Variants in URB2 observed in about 807,000 individuals in gnomAD.
URB2 encodes URB2 ribosome biogenesis homolog, also known as unhealthy ribosome biogenesis protein 2 homolog.
Under a neutral mutation model 120.9 loss-of-function variants are expected in URB2, and 86 were observed. That is an observed-to-expected ratio of 0.71 (90% CI 0.60 to 0.85). The LOEUF (loss-of-function observed/expected upper bound fraction) is 0.85. URB2 is among the 40% of genes least tolerant of loss of function. The pLI, the probability that URB2 is intolerant of heterozygous loss-of-function variation, is 0.00. For missense variants in URB2, 1,765 were observed against 1,836.5 expected, an observed-to-expected ratio of 0.96 and a Z score of 0.71; for synonymous variants, 755 against 758.4, an observed-to-expected ratio of 1.00 and a Z score of 0.07.
chr1:229,637,493 T>G lies in URB2; in HGVS notation c.2880T>G (p.Ser960=), dbSNP rs369790014. Residue 960 remains serine, a synonymous_variant, in exon 4 of 10, where the codon TCT becomes TCG. Transcript: ENST00000258243. ...GYLQKGKSAR[S]VFKIMYGSDI... ...TGCAAAAGGGGAAAAGTGCTCGCTC[T>G]GTGTTCAAGATCATGTATGGTAGTG... 1.2e-6 allele frequency: 2 copies of G among 1,614,122 alleles called. No individual in the cohort carries two copies. Among genetic ancestry groups the G allele is most frequent in the Non-Finnish European group, 1.7e-6 (2 of 1,180,048 alleles).
intron 4 of URB2, 139 bp downstream of exon 4, chr1:229,638,386 C>G (rs1295828130): frequency 6.1e-6 from 6 of 979,180 alleles, no homozygotes; most frequent in Non-Finnish European, 8.6e-6. Flanking sequence ...TGGCTTACAC[C>G]TGTAATCCCA....
Position 229,632,360 on chromosome 1 carries a change from A to G in URB2, c.218A>G (p.Tyr73Cys), listed in dbSNP as rs748329820. The change falls in exon 3 of 10, where the codon TAT becomes TGT. Residue 73 changes from tyrosine (Y) to cysteine (C), a missense_variant. Physicochemically the swap from Tyr to Cys is radical, Grantham distance 194. Transcript: ENST00000258243. The part of the protein sequence containing the change: ...KEDIVERLWI[Y>C]IDNILHSRKL... ...GATATTGTTGAAAGGCTTTGGATCT[A>G]TATAGATAACATTTTACATAGCAGA... 1 of 1,590,476 alleles carries G rather than the reference A, an allele frequency of 6.3e-7. No homozygotes were observed. The highest frequency in any genetic ancestry group is 1.4e-5 in the African/African-American group (1 of 73,604).
intron 4 of URB2, among the ~76,000 whole-genome samples, chr1:229,640,669 G>A (rs1425611141): frequency 6.6e-6 from 1 of 152,172 alleles, no homozygotes; most frequent in African/African-American, 2.4e-5. Flanking sequence ...AAAGCCATCT[G>A]GTCTGCCTGT....
At position 229,654,202 on chromosome 1, in the gene URB2, G is replaced by A. The variant is rs749804021; in HGVS notation, c.4238-47G>A. The A allele has an allele frequency of 4.4e-6, 7 of 1,602,906 alleles. No individual in the cohort carries two copies. In the South Asian group the frequency reaches 5.5e-5, roughly 13 times the overall value. ...AAGTCTAACATAGAAGAGTTAAAAT[G>A]TGCTGTTTTTGAACTAATTGGTTGG... On this transcript the variant is annotated intron_variant, in intron 8 of 9. Coordinates refer to ENST00000258243, the MANE Select transcript of URB2 (RefSeq NM_014777.4).
rs762997234 is a variant in URB2 at position 229,635,469 on chromosome 1, G to T, written c.856G>T (p.Val286Phe). ...CATGGACACCGTGCTTAACAGGCTG[G>T]TTGATGCTGGCTACTGTGCAGCATC... is the stretch of plus-strand genomic sequence containing the variant. ...APMDTVLNRL[V>F]DAGYCAASLH... Residue 286 changes from valine (V) to phenylalanine (F), a missense_variant, in exon 4 of 10, where the codon GTT becomes TTT. Transcript: ENST00000258243. 2 of 1,612,844 alleles carry T rather than the reference G, an allele frequency of 1.2e-6. No homozygotes were observed. The highest frequency in any genetic ancestry group is 1.3e-5 in the African/African-American group (1 of 74,900).
rs754675516 is a variant in URB2 at position 229,636,350 on chromosome 1, C to A, written c.1737C>A (p.Leu579=). The A allele has an allele frequency of 6.2e-7, 1 of 1,614,040 alleles. No homozygotes were observed. Among genetic ancestry groups the A allele is most frequent in the African/African-American group, 1.3e-5 (1 of 74,944 alleles). ...QCMMERMMRE[L]VQPLLALLPD... is the part of the protein sequence containing the mutation. ...TGATGGAGAGGATGATGAGGGAGCTCGTGCAGCCCCTGCTGGCCCTTCTCC... is the reference window on the plus strand; with the variant it reads ...TGATGGAGAGGATGATGAGGGAGCTAGTGCAGCCCCTGCTGGCCCTTCTCC... The change falls in exon 4 of 10, where the codon CTC becomes CTA. Residue 579 remains leucine (L), a synonymous_variant. Coordinates refer to ENST00000258243, the MANE Select transcript of URB2 (RefSeq NM_014777.4).
intron 1 of URB2, among the ~76,000 whole-genome samples, chr1:229,626,630 A>G (rs994548307): frequency 6.6e-6 from 1 of 152,224 alleles, no homozygotes; most frequent in African/African-American, 2.4e-5. Context: ...GAGTGCTGGC[A>G]GGGCTGTGCT....
chr1:229,635,500 A>G lies in URB2; in HGVS notation c.887A>G (p.His296Arg). 6.2e-7 allele frequency: 1 copy of G among 1,613,924 alleles called. No homozygotes were observed. The highest frequency in any genetic ancestry group is 8.5e-7 in the Non-Finnish European group (1 of 1,179,922). The change falls in exon 4 of 10, where the codon CAT becomes CGT. Residue 296 changes from histidine (H) to arginine (R), a missense_variant. His to Arg is a conservative substitution (Grantham distance 29). Coordinates refer to ENST00000258243, the MANE Select transcript of URB2 (RefSeq NM_014777.4). ...GCTGGCTACTGTGCAGCATCCCTTCATACCTCTGTTGTGGCCAACTCAGTG... is the reference window on the plus strand; with the variant it reads ...GCTGGCTACTGTGCAGCATCCCTTCGTACCTCTGTTGTGGCCAACTCAGTG... ...VDAGYCAASL[H>R]TSVVANSVAL... is the part of the protein sequence containing the mutation.
Position 229,635,135 on chromosome 1 carries a change from C to T in URB2, c.522C>T (p.His174=), listed in dbSNP as rs1665762445. 6.2e-7 allele frequency: 1 copy of T among 1,614,066 alleles called. No homozygotes were observed. The highest frequency in any genetic ancestry group is 8.5e-7 in the Non-Finnish European group (1 of 1,179,950). ...TAGCCCAGTTGTTTGAGGTCATTCA[C>T]CTGGCCCTTGGCCATTATCTCTTGA... ...AVVAQLFEVI[H]LALGHYLLIL... The change falls in exon 4 of 10, where the codon CAC becomes CAT. Residue 174 remains histidine, a synonymous_variant. Transcript: ENST00000258243.
rs78933098 is a variant in URB2, at chr1:229,657,437, G to A, written c.4378-1663G>A. Reference sequence around the variant, plus strand: ...AGACTGCCTAGGTTCAAGTCTTAGCGCTGCCAGTTATTAGCTGTGTGACTT... The same window carrying A: ...AGACTGCCTAGGTTCAAGTCTTAGCACTGCCAGTTATTAGCTGTGTGACTT... On this transcript the variant is annotated intron_variant, in intron 9 of 9. Transcript: ENST00000258243. Among the ~76,000 whole-genome samples, 422 of 152,268 alleles carry A rather than the reference G, an allele frequency of 2.8e-3. 2 individuals are homozygous for A. The highest frequency in any genetic ancestry group is 4.6e-3 in the Non-Finnish European group (312 of 68,018).
intron 2 of URB2, among the ~76,000 whole-genome samples, chr1:229,630,969 C>T (rs946922005): frequency 5.3e-5 from 6 of 113,044 alleles, no homozygotes; most frequent in East Asian, 2.5e-4. Context: ...GTGACAAGAG[C>T]GAAACTCCGT....
At chr1:229,653,321 A>G (rs1220116571) in intron 8 of URB2, among the ~76,000 whole-genome samples, 2 of 152,242 alleles carry the variant, frequency 1.3e-5, no homozygotes, top group Admixed American at 6.5e-5. Context: ...ATGCATAACA[A>G]ATTGCTTCTG....
In URB2 at chr1:229,632,461, GT is replaced by G; in HGVS notation, c.303+18del. The G allele has an allele frequency of 6.5e-7, 1 of 1,534,884 alleles. No homozygotes were observed. Among genetic ancestry groups the G allele is most frequent in the Non-Finnish European group, 8.7e-7 (1 of 1,150,902 alleles). On this transcript the variant is annotated intron_variant, in intron 3 of 9. Transcript: ENST00000258243. ...CCTAGTCAAGGTAATTCACTTTTCT[GT>G]TCTGTATGTGTTGCATGCATCTCCA... is the stretch of plus-strand genomic sequence containing the variant.
chr1:229,639,093 T>G (rs1665936483), intron 4 of URB2, among the ~76,000 whole-genome samples: 1 of 152,204 alleles, frequency 6.6e-6, no homozygotes, highest in East Asian at 1.9e-4. Flanking sequence ...GGGGGCAGAT[T>G]GCTTGAGTCC....
intron 2 of URB2, among the ~76,000 whole-genome samples, chr1:229,630,534 A>C (rs757521766): frequency 2.0e-5 from 3 of 152,200 alleles, no homozygotes; most frequent in Non-Finnish European, 4.4e-5. Context: ...GAGCACAAAC[A>C]GAGTAGATTT....
intron 1 of URB2, among the ~76,000 whole-genome samples, chr1:229,627,329 A>ACACT (rs1411738842): frequency 6.6e-6 from 1 of 152,202 alleles, no homozygotes; most frequent in African/African-American, 2.4e-5. Context: ...GAATTCCTGA[A>ACACT]CACTCACCTT....
chr1:229,631,200 C>A (rs1408191210), intron 2 of URB2, among the ~76,000 whole-genome samples: 1 of 152,090 alleles, frequency 6.6e-6, no homozygotes, highest in Non-Finnish European at 1.5e-5. Flanking sequence ...GCTTTTCCTC[C>A]GCAGCCTCCT....
At chr1:229,626,733 T>C (rs1281024619) in intron 1 of URB2, among the ~76,000 whole-genome samples, 2 of 152,396 alleles carry the variant, frequency 1.3e-5, no homozygotes, top group East Asian at 3.9e-4. Flanking sequence ...TCGGTTGTCT[T>C]TGTAGCCAGT....
chr1:229,634,109 A>T (rs12404730), intron 3 of URB2, among the ~76,000 whole-genome samples: 1 of 152,224 alleles, frequency 6.6e-6, no homozygotes, highest in East Asian at 1.9e-4. Context: ...TTGGGATTAC[A>T]GGCATGAGCC....
Sources: gnomAD v4.1 joint callset for allele counts (sites outside exome capture counted in the v4.1 genomes callset) on GRCh38, gnomAD v4.1.1 for gene constraint, MANE v1.5 for transcripts, NCBI Gene and HGNC (gene_info 2026-07-23, HGNC 2026-07-21) for gene names.